HTR4: variants seen among roughly 807,000 people sequenced by gnomAD.
HTR4 encodes 5-hydroxytryptamine (serotonin) receptor 4, G protein-coupled.
A neutral mutation model predicts 36.8 loss-of-function variants in HTR4; 16 were observed. That is an observed-to-expected ratio of 0.43 (90% CI 0.29 to 0.66). The LOEUF (loss-of-function observed/expected upper bound fraction) is 0.66, where lower values mean the gene tolerates loss of function less well. Among genes scored for constraint, HTR4 ranks in the 30% least tolerant of loss-of-function variants. HTR4 has a pLI of 0.13. For synonymous variants in HTR4, 189 were observed against 185.1 expected (o/e 1.02, Z -0.17); for missense variants, 438 against 490.9 (o/e 0.89, Z 1.02).
At chr5:148,635,418 T>C (rs1753498503) in intron 2 of HTR4, among the ~76,000 whole-genome samples, 1 of 152,112 alleles carries the variant, frequency 6.6e-6, no homozygotes, top group Admixed American at 6.6e-5. Context: ...GTTAGAAAAC[T>C]GACAGAGAAG....
intron 2 of HTR4, among the ~76,000 whole-genome samples, chr5:148,627,209 T>C (rs1753146879): frequency 6.6e-6 from 1 of 152,208 alleles, no homozygotes; most frequent in African/African-American, 2.4e-5. Flanking sequence ...TCATGCTTCC[T>C]ACATGCCTAA....
intron 6 of HTR4, among the ~76,000 whole-genome samples, chr5:148,500,101 G>A (rs1030030667): frequency 6.6e-6 from 1 of 152,158 alleles, no homozygotes. Context: ...AATACAGGGG[G>A]TAAGTGTATA....
intron 5 of HTR4, chr5:148,462,078 A>T (rs537301198): frequency 4.6e-5 from 7 of 152,166 alleles, no homozygotes; most frequent in African/African-American, 1.7e-4. Flanking sequence ...GAAAGATCTA[A>T]AATCAGTGAT....
intron 2 of HTR4, among the ~76,000 whole-genome samples, chr5:148,557,926 C>T (rs1760028230): frequency 1.3e-5 from 2 of 151,722 alleles, no homozygotes; most frequent in African/African-American, 4.8e-5. Context: ...TCGAACTTTG[C>T]AATAAAATTA....
chr5:148,541,290 A>G (rs991077392), intron 4 of HTR4, among the ~76,000 whole-genome samples: 3 of 152,178 alleles, frequency 2.0e-5, no homozygotes, highest in Non-Finnish European at 2.9e-5. Flanking sequence ...CCCCAGCGTC[A>G]TACAAACAAC....
intron 4 of HTR4, among the ~76,000 whole-genome samples, chr5:148,543,526 C>T (rs781759718): frequency 4.6e-5 from 7 of 152,168 alleles, no homozygotes; most frequent in Non-Finnish European, 8.8e-5. Flanking sequence ...TGGCATATAT[C>T]ATAAACTCAA....
At position 148,463,502 on chromosome 5, in the gene HTR4, A is replaced by G. The variant is rs143283554; in HGVS notation, c.1077-12230T>C. 1.1e-4 allele frequency among the ~76,000 whole-genome samples: 17 copies of G among 152,210 alleles called. No individual in the cohort carries two copies. In the East Asian group the frequency reaches 2.9e-3, roughly 26 times the overall value. Reference sequence around the variant, plus strand: ...GCCTGCTTTTCAAGTTTGTACTGGAATGTTGTAAAATTGTAAAATATGTAC... The same window carrying G: ...GCCTGCTTTTCAAGTTTGTACTGGAGTGTTGTAAAATTGTAAAATATGTAC... On this transcript the variant is annotated intron_variant, in intron 5 of 5. Coordinates refer to the HTR4 transcript ENST00000521530.
In HTR4 at chr5:148,468,973, G is replaced by A. The variant is rs1032022393; in HGVS notation, c.1077-17701C>T. 3.3e-5 allele frequency among the ~76,000 whole-genome samples: 5 copies of A among 151,938 alleles called. No homozygotes were observed. The South Asian group carries it at 6.2e-4, about 19-fold the overall frequency. On this transcript the variant is annotated intron_variant, in intron 5 of 5. Coordinates refer to the HTR4 transcript ENST00000521530. ...AAATCATGTATTTACTTCCCGTTCC[G>A]CCGTGATTGTAAGTTTCCTGAGGCC...
At chr5:148,612,609 AT>A (rs1239540875) in intron 2 of HTR4, among the ~76,000 whole-genome samples, 1 of 107,718 alleles carries the variant, frequency 9.3e-6, no homozygotes, top group Non-Finnish European at 1.9e-5. Flanking sequence ...TAACATCACA[AT>A]TAAAAGAACT....
chr5:148,522,573 A>C (rs1038077870), intron 5 of HTR4, among the ~76,000 whole-genome samples: 5 of 152,198 alleles, frequency 3.3e-5, no homozygotes, highest in Admixed American at 3.3e-4. Context: ...AAAGAAAAAA[A>C]TTATTCATGA....
In HTR4 at chr5:148,606,901, G is replaced by A. The variant is rs1200149639; in HGVS notation, c.26+30088C>T. ...ATTTAAAAGATTTGGATTCTTTACC[G>A]TGAAACAGCAATGTTTCAAATCACT... On this transcript the variant is annotated intron_variant, in intron 2 of 6. Coordinates refer to ENST00000377888, the MANE Select transcript of HTR4 (RefSeq NM_000870.7). 5.9e-5 allele frequency among the ~76,000 whole-genome samples: 9 copies of A among 152,138 alleles called. No individual in the cohort carries two copies. The South Asian group carries it at 6.2e-4, about 10-fold the overall frequency.
At chr5:148,475,563 C>G (rs552908599), downstream of HTR4, among the ~76,000 whole-genome samples, 1 of 152,332 alleles carries the variant, frequency 6.6e-6, no homozygotes, top group African/African-American at 2.4e-5. Flanking sequence ...TGTGACTCCA[C>G]AGCCAAATCC....
At chr5:148,613,246 A>T (rs984588940) in intron 2 of HTR4, among the ~76,000 whole-genome samples, 1 of 146,414 alleles carries the variant, frequency 6.8e-6, no homozygotes, top group African/African-American at 2.6e-5. Flanking sequence ...ATTTTAGACC[A>T]ATATCCTTGA....
intron 2 of HTR4, among the ~76,000 whole-genome samples, chr5:148,560,733 T>C (rs1310308103): frequency 6.6e-6 from 1 of 152,144 alleles, no homozygotes; most frequent in Non-Finnish European, 1.5e-5. Context: ...GAGCTCAGCA[T>C]GGTTAAGAGA....
intron 4 of HTR4, among the ~76,000 whole-genome samples, chr5:148,539,703 T>G (rs1165730455): frequency 6.6e-6 from 1 of 152,296 alleles, no homozygotes; most frequent in Middle Eastern, 3.4e-3. Flanking sequence ...ATGGCTATTA[T>G]TGAAAAGTCA....
intron 2 of HTR4, among the ~76,000 whole-genome samples, chr5:148,551,014 A>G (rs1455194546): frequency 2.0e-5 from 3 of 151,858 alleles, no homozygotes; most frequent in African/African-American, 7.3e-5. Flanking sequence ...TTCCTTGCCG[A>G]TCAACTTACA....
chr5:148,627,344 T>C (rs114564474), intron 2 of HTR4, among the ~76,000 whole-genome samples: 32,838 of 152,108 alleles, frequency 0.22, 4,253 homozygotes, highest in East Asian at 0.39. Flanking sequence ...GTTTGTCGAT[T>C]TTTTTAACAT....
intron 2 of HTR4, among the ~76,000 whole-genome samples, chr5:148,554,424 A>C (rs542892959): frequency 6.6e-6 from 1 of 152,244 alleles, no homozygotes; most frequent in African/African-American, 2.4e-5. Flanking sequence ...CTTAAAAATA[A>C]ATGAAACAAA....
intron 6 of HTR4, among the ~76,000 whole-genome samples, chr5:148,501,764 C>A (rs1756945091): frequency 6.6e-6 from 1 of 152,164 alleles, no homozygotes; most frequent in South Asian, 2.1e-4. Context: ...CAACTTCCTG[C>A]ACTTTTCATG....
Sources: gnomAD v4.1 joint callset for allele counts (sites outside exome capture counted in the v4.1 genomes callset) on GRCh38, gnomAD v4.1.1 for gene constraint, MANE v1.5 for transcripts, NCBI Gene and HGNC (gene_info 2026-07-23, HGNC 2026-07-21) for gene names.